SEMA3A: variants seen among roughly 807,000 people sequenced by gnomAD.
SEMA3A encodes the protein semaphorin-3A.
Under a neutral mutation model 97.9 loss-of-function variants are expected in SEMA3A, and 29 were observed. That is an observed-to-expected ratio of 0.30 (90% CI 0.22 to 0.40). The LOEUF (loss-of-function observed/expected upper bound fraction) is 0.40, where lower values mean the gene tolerates loss of function less well. Among genes scored for constraint, SEMA3A ranks in the 10% least tolerant of loss-of-function variants. The probability of loss-of-function intolerance (pLI) is 1.00; values close to 1 mark genes in which losing one functional copy is unlikely to be tolerated. For synonymous variants in SEMA3A, 321 were observed against 323.7 expected (o/e 0.99, Z 0.09); for missense variants, 763 against 951.3 (o/e 0.80, Z 2.60).
chr7:84,392,782 C>T (rs13237965), intron 1 of SEMA3A, among the ~76,000 whole-genome samples: 9,004 of 152,208 alleles, frequency 0.059, 375 homozygotes, highest in Admixed American at 0.11. Context: ...TTTGCATCTT[C>T]TTAATGATTA....
chr7:84,247,637 T>C lies in SEMA3A; in HGVS notation c.-82-52969A>G, dbSNP rs539888476. On this transcript the variant is annotated intron_variant, in intron 3 of 3. Coordinates refer to the SEMA3A transcript ENST00000424555. Reference sequence around the variant, plus strand: ...GGAAGAAGAAGAAAAGGAAATTATCTGCAAGATGTAGAATAAATAGCTGTT... The same window carrying C: ...GGAAGAAGAAGAAAAGGAAATTATCCGCAAGATGTAGAATAAATAGCTGTT... Among the ~76,000 whole-genome samples, 4 of 152,344 alleles carry C rather than the reference T, an allele frequency of 2.6e-5. No homozygotes were observed. The South Asian group carries it at 8.3e-4, about 32-fold the overall frequency.
intron 6 of SEMA3A, among the ~76,000 whole-genome samples, chr7:84,027,016 C>T (rs921509502): frequency 4.6e-5 from 7 of 151,888 alleles, no homozygotes; most frequent in Non-Finnish European, 5.9e-5. Context: ...AAAAAAAAAA[C>T]TGCAAGCAAA....
intron 3 of SEMA3A, among the ~76,000 whole-genome samples, chr7:84,304,116 A>T: frequency 6.6e-6 from 1 of 152,142 alleles, no homozygotes; most frequent in East Asian, 1.9e-4. Context: ...AAGGAAGAAA[A>T]AAATAGGGGT....
At chr7:84,110,058 C>T (rs1030569181) in intron 4 of SEMA3A, among the ~76,000 whole-genome samples, 1 of 152,030 alleles carries the variant, frequency 6.6e-6, no homozygotes, top group African/African-American at 2.4e-5. Flanking sequence ...GATCATTGTG[C>T]AAATGTATGG....
chr7:84,097,034 G>C (rs186269225), intron 4 of SEMA3A, among the ~76,000 whole-genome samples: 1 of 152,044 alleles, frequency 6.6e-6, no homozygotes, highest in African/African-American at 2.4e-5. Flanking sequence ...GATTCTTAAG[G>C]GCAAAGGTTA....
In SEMA3A at chr7:84,369,270, C is replaced by A. The variant is rs1032481144; in HGVS notation, c.-169+2554G>T. On this transcript the variant is annotated intron_variant, in intron 2 of 3. Coordinates refer to the SEMA3A transcript ENST00000424555. The stretch of plus-strand genomic sequence containing the variant: ...TCTGTATGGACTTATCCCTAATACA[C>A]CAAAGTGCATTATTATCTTTCTTTG... 4.0e-5 allele frequency among the ~76,000 whole-genome samples: 6 copies of A among 150,836 alleles called. No homozygotes were observed. In the Admixed American group the frequency reaches 4.0e-4, roughly 10 times the overall value.
At chr7:84,408,440 T>C (rs2116240857) in intron 1 of SEMA3A, among the ~76,000 whole-genome samples, 1 of 151,538 alleles carries the variant, frequency 6.6e-6, no homozygotes, top group East Asian at 2.0e-4. Flanking sequence ...TTTACACTGT[T>C]GGTGGGACTG....
chr7:84,225,462 C>T (rs572566608), intron 3 of SEMA3A, among the ~76,000 whole-genome samples: 1 of 152,088 alleles, frequency 6.6e-6, no homozygotes, highest in African/African-American at 2.4e-5. Context: ...ACGAAAGTAA[C>T]GAAGTAGGTC....
intron 4 of SEMA3A, among the ~76,000 whole-genome samples, chr7:84,061,862 A>G (rs976074941): frequency 1.3e-5 from 2 of 152,158 alleles, no homozygotes; most frequent in Non-Finnish European, 2.9e-5. Context: ...TCCTGTACCA[A>G]TGATATTTCT....
intron 2 of SEMA3A, among the ~76,000 whole-genome samples, chr7:84,351,869 G>GGT (rs1802445447): frequency 6.6e-6 from 1 of 151,860 alleles, no homozygotes; most frequent in African/African-American, 2.4e-5. Context: ...CCCACTGCGA[G>GGT]GTATATACCT....
At chr7:84,323,589 T>C (rs112984824) in intron 2 of SEMA3A, among the ~76,000 whole-genome samples, 4 of 152,092 alleles carry the variant, frequency 2.6e-5, no homozygotes, top group African/African-American at 9.6e-5. Flanking sequence ...TAGGGAAAAC[T>C]CTGAAAAAAT....
At chr7:84,342,691 G>A (rs1186713254) in intron 2 of SEMA3A, among the ~76,000 whole-genome samples, 3 of 152,162 alleles carry the variant, frequency 2.0e-5, no homozygotes, top group Non-Finnish European at 1.5e-5. Flanking sequence ...GCAATTACGT[G>A]TATAAACGAT....
intron 4 of SEMA3A, among the ~76,000 whole-genome samples, chr7:84,076,812 T>C (rs1393792296): frequency 6.6e-6 from 1 of 152,058 alleles, no homozygotes; most frequent in Non-Finnish European, 1.5e-5. Context: ...GCCCTTAGAG[T>C]TGGATTAAAT....
chr7:84,024,569 TAAAAGAA>T (rs2116448868), intron 6 of SEMA3A, among the ~76,000 whole-genome samples: 1 of 150,976 alleles, frequency 6.6e-6, no homozygotes, highest in African/African-American at 2.4e-5. Flanking sequence ...CCCCCCACAA[TAAAAGAA>T]AAAAGAAAAA....
intron 1 of SEMA3A, among the ~76,000 whole-genome samples, chr7:84,491,055 GTAAT>G (rs1806712005): frequency 1.1e-4 from 16 of 152,138 alleles, no homozygotes; most frequent in Admixed American, 1.0e-3. Flanking sequence ...TTAACTAGAA[GTAAT>G]TAATTAAACC....
intron 6 of SEMA3A, among the ~76,000 whole-genome samples, chr7:84,015,177 T>A (rs1791048712): frequency 6.6e-6 from 1 of 152,200 alleles, no homozygotes; most frequent in African/African-American, 2.4e-5. Context: ...ATCTCTCCAT[T>A]TATCTATCTA....
At position 84,455,523 on chromosome 7, in the gene SEMA3A, T is replaced by C. The variant is rs184964486; in HGVS notation, c.-246+36937A>G. On this transcript the variant is annotated intron_variant, in intron 1 of 3. Transcript: ENST00000424555. ...TTAGAAGGTATGTGATAGTAACATA[T>C]ATTACATGTTAATTTCAGGAAGGCA... is the stretch of plus-strand genomic sequence containing the variant. Among the ~76,000 whole-genome samples the C allele has an allele frequency of 2.0e-5, 3 of 152,066 alleles. No individual in the cohort carries two copies. The East Asian group carries it at 5.8e-4, about 29-fold the overall frequency.
At chr7:84,104,777 T>C (rs1348092569) in intron 4 of SEMA3A, among the ~76,000 whole-genome samples, 2 of 136,016 alleles carry the variant, frequency 1.5e-5, no homozygotes, top group Non-Finnish European at 3.1e-5. Context: ...AAAAATACAC[T>C]AGTGAGTTGT....
chr7:84,067,188 A>T (rs1452481996), intron 4 of SEMA3A, among the ~76,000 whole-genome samples: 1 of 152,234 alleles, frequency 6.6e-6, no homozygotes, highest in Admixed American at 6.5e-5. Flanking sequence ...TCCTTATTTA[A>T]TAAATGGTGC....
Sources: allele counts gnomAD v4.1 joint callset (sites outside exome capture counted in the v4.1 genomes callset), GRCh38; gene constraint gnomAD v4.1.1; transcripts MANE v1.5; gene names NCBI Gene and HGNC (gene_info 2026-07-23, HGNC 2026-07-21).